MAGI1: variants seen among roughly 807,000 people sequenced by gnomAD.
MAGI1 encodes membrane associated guanylate kinase, WW and PDZ domain containing 1.
MAGI1 carries 58 observed loss-of-function variants against 139.9 expected under a neutral mutation model. The observed-to-expected ratio is 0.41, with a 90% CI of 0.34 to 0.52. The LOEUF is 0.52. Among genes scored for constraint, MAGI1 ranks in the 20% least tolerant of loss-of-function variants. MAGI1 has a pLI of 0.12. For missense variants in MAGI1, 1,874 were observed against 1,901.6 expected (o/e 0.99, Z 0.27); for synonymous variants, 812 against 737.9 (o/e 1.10, Z -1.63).
intron 1 of MAGI1, among the ~76,000 whole-genome samples, chr3:65,629,316 C>A (rs924894274): frequency 1.3e-5 from 2 of 152,180 alleles, no homozygotes; most frequent in Non-Finnish European, 2.9e-5. Flanking sequence ...ATTCCATGTG[C>A]TCCACAGCTA....
intron 1 of MAGI1, among the ~76,000 whole-genome samples, chr3:65,690,119 G>C (rs538460791): frequency 6.6e-6 from 1 of 152,192 alleles, no homozygotes; most frequent in South Asian, 2.1e-4. Context: ...ATCAGCCAAT[G>C]AGATTTAAAT....
At chr3:65,720,900 A>C (rs962060882) in intron 1 of MAGI1, among the ~76,000 whole-genome samples, 8 of 151,726 alleles carry the variant, frequency 5.3e-5, no homozygotes, top group Admixed American at 1.3e-4. Context: ...CAGGTGCACA[A>C]CACCACGCCT....
At chr3:65,608,676 C>T (rs756530460) in intron 2 of MAGI1, among the ~76,000 whole-genome samples, 5 of 152,066 alleles carry the variant, frequency 3.3e-5, no homozygotes, top group Non-Finnish European at 7.4e-5. Flanking sequence ...AACTCTTACA[C>T]GGTGTAGGTG....
In MAGI1 at chr3:65,959,802, T is replaced by TTTA. The variant is rs1234946676; in HGVS notation, c.313+78193_313+78194insTAA. Among the ~76,000 whole-genome samples the TTTA allele has an allele frequency of 1.4e-4, 16 of 111,662 alleles. 1 individual carries two copies. The highest frequency in any genetic ancestry group is 1.0e-3 in the South Asian group (3 of 2,930). 73.3% of individuals were successfully genotyped at this position (111,662 alleles called of 152,430 possible). On this transcript the variant is annotated intron_variant, in intron 1 of 22. Transcript: ENST00000402939. ...GGACAAATAAATAAATTCTCTCTTTTTTTTTTTTTTTTTTTTTTTTTGAGA... is the reference window on the plus strand; with the variant it reads ...GGACAAATAAATAAATTCTCTCTTTTTTATTTTTTTTTTTTTTTTTTTTTGAGA...
chr3:65,446,487 G>A (rs1948681156), intron 7 of MAGI1, among the ~76,000 whole-genome samples: 1 of 152,196 alleles, frequency 6.6e-6, no homozygotes, highest in African/African-American at 2.4e-5. Flanking sequence ...GTAAAATGCA[G>A]AAACTTCTTT....
intron 2 of MAGI1, among the ~76,000 whole-genome samples, chr3:65,567,180 T>C (rs1370667842): frequency 6.6e-6 from 1 of 152,094 alleles, no homozygotes; most frequent in Non-Finnish European, 1.5e-5. Flanking sequence ...TAGCTAAATG[T>C]GGTTTTAAAA....
intron 12 of MAGI1, among the ~76,000 whole-genome samples, chr3:65,420,727 C>T (rs1335931282): frequency 6.6e-6 from 1 of 152,182 alleles, no homozygotes; most frequent in African/African-American, 2.4e-5. Flanking sequence ...TTCTACCACT[C>T]TTCCAGAAAG....
chr3:65,808,169 G>C (rs146765428), intron 1 of MAGI1, among the ~76,000 whole-genome samples: 13 of 152,070 alleles, frequency 8.5e-5, no homozygotes, highest in African/African-American at 3.1e-4. Flanking sequence ...ATTTTTAGTA[G>C]AGACACGGTT....
intron 1 of MAGI1, among the ~76,000 whole-genome samples, chr3:65,662,469 C>T (rs534146913): frequency 3.9e-5 from 6 of 152,168 alleles, no homozygotes; most frequent in Non-Finnish European, 4.4e-5. Flanking sequence ...TGGCCATGGC[C>T]GCGTTCCAGT....
intron 10 of MAGI1, among the ~76,000 whole-genome samples, chr3:65,431,655 C>G (rs1445291927): frequency 6.6e-6 from 1 of 152,080 alleles, no homozygotes; most frequent in Admixed American, 6.6e-5. Context: ...TAGTTACTAA[C>G]AGTAGCCACA....
At chr3:65,869,147 C>T (rs911519015) in intron 1 of MAGI1, among the ~76,000 whole-genome samples, 1 of 142,190 alleles carries the variant, frequency 7.0e-6, no homozygotes, top group Non-Finnish European at 1.5e-5. Context: ...CCCAGCTACT[C>T]GGAGAGGCAG....
At chr3:65,821,518 T>C (rs765868337) in intron 1 of MAGI1, among the ~76,000 whole-genome samples, 5 of 152,188 alleles carry the variant, frequency 3.3e-5, no homozygotes, top group Admixed American at 1.3e-4. Flanking sequence ...TCCTTGGATC[T>C]TTATCTGCAA....
At chr3:65,701,582 T>G (rs1344500163) in intron 1 of MAGI1, among the ~76,000 whole-genome samples, 2 of 152,112 alleles carry the variant, frequency 1.3e-5, no homozygotes, top group Admixed American at 6.5e-5. Context: ...AGGTTCACTT[T>G]TCTTTTTTTT....
In MAGI1 at chr3:65,356,980, C is replaced by T. The variant is rs1487704283; in HGVS notation, c.3787G>A (p.Ala1263Thr). Reference sequence around the variant, plus strand: ...TCTCTGCTGCCTTTCGGATCCCTTGCGTGTGCCCGCTTTTCCCCATGTGGT... The same window carrying T: ...TCTCTGCTGCCTTTCGGATCCCTTGTGTGTGCCCGCTTTTCCCCATGTGGT... ...SSPHGEKRAH[A>T]RDPKGSREYS... Residue 1263 changes from alanine (A) to threonine (T), a missense_variant, in exon 23 of 23, where the codon GCA (alanine) becomes ACA (threonine). Transcript: ENST00000402939. The T allele has an allele frequency of 6.2e-6, 10 of 1,614,160 alleles. No homozygotes were observed. The highest frequency in any genetic ancestry group is 8.5e-6 in the Non-Finnish European group (10 of 1,180,020).
chr3:65,787,658 T>C (rs1419796644), intron 1 of MAGI1, among the ~76,000 whole-genome samples: 1 of 151,150 alleles, frequency 6.6e-6, no homozygotes, highest in Non-Finnish European at 1.5e-5. Context: ...AAATGAGCAA[T>C]AATAAAACAG....
intron 1 of MAGI1, among the ~76,000 whole-genome samples, chr3:65,717,179 G>T (rs369998750): frequency 6.6e-6 from 1 of 152,150 alleles, no homozygotes; most frequent in African/African-American, 2.4e-5. Context: ...AAAAGACAGT[G>T]AAAGAAAGTT....
chr3:65,597,717 TCCC>T, intron 2 of MAGI1: 1 of 456,610 alleles, frequency 2.2e-6, no homozygotes, highest in Non-Finnish European at 4.4e-6. Context: ...CGCCTGCCTG[TCCC>T]CAGGCTTCCT....
chr3:65,482,712 G>A (rs573807357), intron 3 of MAGI1, among the ~76,000 whole-genome samples: 2 of 152,268 alleles, frequency 1.3e-5, no homozygotes, highest in South Asian at 4.1e-4. Flanking sequence ...TCTGTCTAGT[G>A]GTTTTCTAAC....
At chr3:65,548,704 A>G (rs1004535670) in intron 2 of MAGI1, among the ~76,000 whole-genome samples, 3 of 151,530 alleles carry the variant, frequency 2.0e-5, no homozygotes, top group African/African-American at 7.3e-5. Context: ...CGTATTTTGA[A>G]TAGAGAGGGG....
Sources: allele counts gnomAD v4.1 joint callset (sites outside exome capture counted in the v4.1 genomes callset), GRCh38; gene constraint gnomAD v4.1.1; transcripts MANE v1.5; gene names NCBI Gene and HGNC (gene_info 2026-07-23, HGNC 2026-07-21).